The following ZFP90 variants were observed in gnomAD, a reference collection of about 807,000 sequenced individuals.
The protein encoded by ZFP90 is ZFP90 zinc finger protein, also known as zinc finger protein 90 homolog.
A neutral mutation model predicts 60.8 loss-of-function variants in ZFP90; 38 were observed. The observed-to-expected ratio is 0.62, with a 90% CI of 0.48 to 0.82. ZFP90 has a LOEUF of 0.82. ZFP90 is among the 40% of genes least tolerant of loss of function. The pLI is 0.00. For synonymous variants in ZFP90, 287 were observed against 264.8 expected (o/e 1.08, Z -0.82); for missense variants, 711 against 759.1 (o/e 0.94, Z 0.74).
At chr16:68,554,541 A>G (rs2091313476) in intron 2 of ZFP90, among the ~76,000 whole-genome samples, 2 of 152,248 alleles carry the variant, frequency 1.3e-5, no homozygotes, top group Admixed American at 1.3e-4. Flanking sequence ...GTTAAAGAAC[A>G]GAGGCCAGTG....
Position 68,539,779 on chromosome 16 carries a change from C to G in ZFP90, c.-14C>G. The G allele has an allele frequency of 6.3e-7, 1 of 1,592,168 alleles. No homozygotes were observed. The highest frequency in any genetic ancestry group is 8.5e-7 in the Non-Finnish European group (1 of 1,170,536). ...CCAGCTCCTGCCCCGGAGCCGGGCC[C>G]TGGCGAGGCAGGAATGGCCCCGAGG... On this transcript the variant is annotated 5_prime_UTR_variant, in exon 2 of 5. Transcript: ENST00000563169.
intron 2 of ZFP90, among the ~76,000 whole-genome samples, chr16:68,544,864 CTTTTTTTTTTTTTTTTTTTTT>C (rs71148911): frequency 1.4e-4 from 9 of 66,564 alleles, no homozygotes; most frequent in African/African-American, 3.7e-4. Flanking sequence ...CTGTGAACAC[CTTTTTTTTTTTTTTTTTTTTT>C]TTTTTTTTTT....
At chr16:68,552,419 G>T (rs4783657) in intron 2 of ZFP90, among the ~76,000 whole-genome samples, 116,429 of 151,962 alleles carry the variant, frequency 0.77, 44,702 homozygotes, top group East Asian at 0.82. Context: ...GCTAGAGAGA[G>T]GCCCAGGGAG....
chr16:68,546,634 TC>T (rs774810917), intron 2 of ZFP90, among the ~76,000 whole-genome samples: 1 of 152,128 alleles, frequency 6.6e-6, no homozygotes, highest in Non-Finnish European at 1.5e-5. Context: ...TGTCTCAGCC[TC>T]CTGAGAACTG....
chr16:68,552,443 A>G (rs2091278158), intron 2 of ZFP90, among the ~76,000 whole-genome samples: 1 of 152,022 alleles, frequency 6.6e-6, no homozygotes, highest in African/African-American at 2.4e-5. Context: ...AGCTGCTGGG[A>G]TGGGAGGGGG....
intron 4 of ZFP90, among the ~76,000 whole-genome samples, chr16:68,560,427 A>C (rs2091419192): frequency 6.6e-6 from 1 of 152,238 alleles, no homozygotes; most frequent in Non-Finnish European, 1.5e-5. Context: ...TTCAAGGTTC[A>C]ATCATGTTCT....
At position 68,539,437 on chromosome 16, in the gene ZFP90, G is replaced by A. The variant is rs1291342837; in HGVS notation, c.-78G>A. The A allele has an allele frequency of 1.1e-5, 4 of 349,652 alleles. No homozygotes were observed. Among genetic ancestry groups the A allele is most frequent in the Middle Eastern group, 7.2e-4 (1 of 1,382 alleles). 21.7% of individuals were successfully genotyped at this position (349,652 alleles called of 1,614,324 possible). On this transcript the variant is annotated 5_prime_UTR_variant, in exon 1 of 5. Transcript: ENST00000563169. ...AGCTGCCCGAGGCTCTGGGTGGGCC[G>A]GAGGTCGCGAAATCCGGAGCCCCCC...
In ZFP90 at chr16:68,566,588, A is replaced by G. The variant is rs1227742832; in HGVS notation, c.*1890A>G. 8.1e-6 allele frequency: 8 copies of G among 985,426 alleles called. No individual in the cohort carries two copies. Among genetic ancestry groups the G allele is most frequent in the Admixed American group, 6.2e-5 (1 of 16,258 alleles). The allele number at this position is 985,426 out of a possible 1,614,324, so 61.0% of individuals were successfully genotyped here. A position where few individuals can be genotyped will look rare whatever the true frequency, so the allele number is the denominator to read the frequency against. On this transcript the variant is annotated 3_prime_UTR_variant, in exon 5 of 5. Transcript: ENST00000563169. The stretch of plus-strand genomic sequence containing the variant: ...TCTGTGATGCAAAATGGAATATTCA[A>G]TGGCAGATCTGCCCTTCTGAGATGC...
intron 2 of ZFP90, among the ~76,000 whole-genome samples, chr16:68,572,460 C>G (rs922462613): frequency 6.6e-6 from 1 of 152,174 alleles, no homozygotes; most frequent in African/African-American, 2.4e-5. Context: ...AACAAAATGT[C>G]ACATTCCTCT....
intron 2 of ZFP90, among the ~76,000 whole-genome samples, chr16:68,545,237 C>G (rs549961043): frequency 6.6e-6 from 1 of 152,118 alleles, no homozygotes; most frequent in South Asian, 2.1e-4. Context: ...ACCCAGCCTT[C>G]TCTGTACCAG....
chr16:68,565,835 A>G lies in ZFP90; in HGVS notation c.*1137A>G, dbSNP rs2091517946. On this transcript the variant is annotated 3_prime_UTR_variant, in exon 5 of 5. Coordinates refer to ENST00000563169, the MANE Select transcript of ZFP90 (RefSeq NM_001305203.2). ...AAGAAAAGATTTCACCATTAAAAAA[A>G]TTAACTTGGCTAGGTATGGTGTCTC... The G allele has an allele frequency of 1.0e-6, 1 of 985,306 alleles. No homozygotes were observed. The highest frequency in any genetic ancestry group is 1.7e-5 in the African/African-American group (1 of 57,234). 61.0% of individuals were successfully genotyped at this position (985,306 alleles called of 1,614,324 possible).
At chr16:68,562,105 C>G (rs575230342) in intron 4 of ZFP90, 1 of 152,240 alleles carries the variant, frequency 6.6e-6, no homozygotes, top group Admixed American at 6.5e-5. Context: ...ACATTTCACC[C>G]CTACACTTTT....
chr16:68,567,026 A>T lies in ZFP90; in HGVS notation c.*2328A>T. 1 of 985,596 alleles carries T rather than the reference A, an allele frequency of 1.0e-6. No homozygotes were observed. The highest frequency in any genetic ancestry group is 1.2e-6 in the Non-Finnish European group (1 of 829,948). 61.1% of individuals were successfully genotyped at this position (985,596 alleles called of 1,614,324 possible). On this transcript the variant is annotated 3_prime_UTR_variant, in exon 5 of 5. Coordinates refer to ENST00000563169, the MANE Select transcript of ZFP90 (RefSeq NM_001305203.2). ...TGACCAGAAGGCTTTCTTAGTCCCA[A>T]CAGCCATGAACCATGCACTTATGGA...
intron 4 of ZFP90, among the ~76,000 whole-genome samples, chr16:68,559,702 G>C (rs756843468): frequency 6.6e-6 from 1 of 152,044 alleles, no homozygotes; most frequent in African/African-American, 2.4e-5. Flanking sequence ...CAAGTAGCTA[G>C]GACTATAGAT....
rs1555496914 is a variant in ZFP90, at chr16:68,534,229, C to CTTTTTTTTTTTTTTTTTTTTT, written c.-36+377_-36+378insTTTTTTTTTTTTTTTTTTTTT. ...CATTTTTAACTTAAAGATTTTCTTTCTTTCTTTTTTTTTTTTTGAGACAGC... is the reference window on the plus strand; with the variant it reads ...CATTTTTAACTTAAAGATTTTCTTTCTTTTTTTTTTTTTTTTTTTTTTTTCTTTTTTTTTTTTTGAGACAGC... On this transcript the variant is annotated intron_variant, in intron 2 of 3. Coordinates refer to the ZFP90 transcript ENST00000569109. Among the ~76,000 whole-genome samples the CTTTTTTTTTTTTTTTTTTTTT allele has an allele frequency of 1.5e-5, 2 of 135,148 alleles. 1 individual carries two copies. Among genetic ancestry groups the CTTTTTTTTTTTTTTTTTTTTT allele is most frequent in the Non-Finnish European group, 3.1e-5 (2 of 64,078 alleles). The allele number at this position is 135,148 out of a possible 152,430, so 88.7% of individuals were successfully genotyped here.
downstream of ZFP90, among the ~76,000 whole-genome samples, chr16:68,568,002 A>G (rs2091547346): frequency 6.6e-6 from 1 of 152,168 alleles, no homozygotes; most frequent in African/African-American, 2.4e-5. Context: ...TAAAATGCAA[A>G]TGGTGCTTCA....
At chr16:68,539,866 C>A (rs1279875872) in intron 2 of ZFP90, 41 bp downstream of exon 2, 2 of 1,597,062 alleles carry the variant, frequency 1.3e-6, no homozygotes, top group Non-Finnish European at 8.5e-7. Context: ...TCCCATCCAT[C>A]TATCCATCCC....
At chr16:68,567,143 T>C, downstream of ZFP90, 2 of 985,558 alleles carry the variant, frequency 2.0e-6, no homozygotes, top group East Asian at 1.1e-4. Flanking sequence ...GGGAGTCAGT[T>C]TGTCGTTTTC....
chr16:68,561,706 G>A (rs2091441671), intron 4 of ZFP90, among the ~76,000 whole-genome samples: 2 of 152,110 alleles, frequency 1.3e-5, no homozygotes, highest in African/African-American at 4.8e-5. Context: ...AATCTGGTTA[G>A]CAAGAAAACT....
Sources: gnomAD v4.1 joint callset for allele counts (sites outside exome capture counted in the v4.1 genomes callset) on GRCh38, gnomAD v4.1.1 for gene constraint, MANE v1.5 for transcripts, NCBI Gene and HGNC (gene_info 2026-07-23, HGNC 2026-07-21) for gene names.